RABGAP1L: variants seen among roughly 807,000 people sequenced by gnomAD.
The protein encoded by RABGAP1L is rab GTPase-activating protein 1-like.
Under a neutral mutation model 137.7 loss-of-function variants are expected in RABGAP1L, and 63 were observed. The ratio of observed to expected loss-of-function variants is 0.46; its 90% CI spans 0.37 to 0.56. The LOEUF is 0.56. RABGAP1L is among the 20% of genes least tolerant of loss of function. The probability of loss-of-function intolerance (pLI) is 0.00; values close to 1 mark genes in which losing one functional copy is unlikely to be tolerated. For missense variants in RABGAP1L, 1,095 were observed against 1,244.0 expected (o/e 0.88, Z 1.80); for synonymous variants, 431 against 433.7 (o/e 0.99, Z 0.08).
chr1:174,391,852 C>A (rs1307986698), intron 12 of RABGAP1L, among the ~76,000 whole-genome samples: 1 of 152,088 alleles, frequency 6.6e-6, no homozygotes, highest in Non-Finnish European at 1.5e-5. Context: ...ATGACCTTTG[C>A]TCTTTGTACA....
chr1:174,370,460 TAC>T (rs1685014731), intron 11 of RABGAP1L, among the ~76,000 whole-genome samples: 2 of 114,156 alleles, frequency 1.8e-5, no homozygotes, highest in African/African-American at 6.4e-5. Context: ...TAGTTAAAAA[TAC>T]CTTTTTTTTT....
At chr1:174,857,703 G>T (rs1649555859) in intron 19 of RABGAP1L, among the ~76,000 whole-genome samples, 1 of 152,084 alleles carries the variant, frequency 6.6e-6, no homozygotes, top group African/African-American at 2.4e-5. Context: ...ATAATGATAT[G>T]TATTAATAAT....
rs1651719439 is a variant in RABGAP1L at position 174,424,469 on chromosome 1, A to G, written c.1710+30324A>G. On this transcript the variant is annotated intron_variant, in intron 13 of 25. Coordinates refer to ENST00000681986, the MANE Select transcript of RABGAP1L (RefSeq NM_001366446.1). ...GATAATATGAAAAAATATACACTGCATTGGCTTTTAGGAACATTTTCGTCA... is the reference window on the plus strand; with the variant it reads ...GATAATATGAAAAAATATACACTGCGTTGGCTTTTAGGAACATTTTCGTCA... 2.0e-5 allele frequency among the ~76,000 whole-genome samples: 3 copies of G among 152,088 alleles called. No individual in the cohort carries two copies. In the South Asian group the frequency reaches 6.2e-4, roughly 31 times the overall value.
chr1:174,815,286 TAGG>T (rs1690280992), intron 19 of RABGAP1L, among the ~76,000 whole-genome samples: 1 of 152,158 alleles, frequency 6.6e-6, no homozygotes, highest in Non-Finnish European at 1.5e-5. Context: ...TTGGAAATTT[TAGG>T]AGATGATGGA....
chr1:174,677,318 A>G (rs1022853767), intron 14 of RABGAP1L, among the ~76,000 whole-genome samples: 10 of 152,188 alleles, frequency 6.6e-5, no homozygotes, highest in Admixed American at 6.5e-4. Context: ...ATCAGGGAAG[A>G]TACATATTCA....
At chr1:174,493,502 A>T (rs1461173118) in intron 13 of RABGAP1L, among the ~76,000 whole-genome samples, 2 of 151,950 alleles carry the variant, frequency 1.3e-5, no homozygotes, top group Non-Finnish European at 2.9e-5. Flanking sequence ...TCATAGCCCT[A>T]CCCAATATTA....
intron 11 of RABGAP1L, among the ~76,000 whole-genome samples, chr1:174,330,663 T>G (rs1680955457): frequency 6.6e-6 from 1 of 152,150 alleles, no homozygotes; most frequent in African/African-American, 2.4e-5. Context: ...TTGAAAATTA[T>G]AAAACATTGG....
intron 13 of RABGAP1L, among the ~76,000 whole-genome samples, chr1:174,515,879 A>G (rs1460587330): frequency 1.3e-5 from 2 of 151,990 alleles, no homozygotes; most frequent in East Asian, 3.9e-4. Flanking sequence ...TGAGCACTCT[A>G]TCTTAAGTTG....
chr1:174,680,545 G>T (rs553720458), intron 14 of RABGAP1L, among the ~76,000 whole-genome samples: 1 of 152,274 alleles, frequency 6.6e-6, no homozygotes, highest in Non-Finnish European at 1.5e-5. Flanking sequence ...AATGGACTCA[G>T]ACAGAGTTGT....
intron 1 of RABGAP1L, among the ~76,000 whole-genome samples, chr1:174,184,640 A>G (rs1251239533): frequency 1.3e-5 from 2 of 152,334 alleles, no homozygotes; most frequent in East Asian, 3.9e-4. Context: ...TAACCTCCAG[A>G]GTACTTTCAG....
chr1:174,777,198 CT>C (rs1686591807), intron 18 of RABGAP1L, among the ~76,000 whole-genome samples: 1 of 151,730 alleles, frequency 6.6e-6, no homozygotes, highest in Non-Finnish European at 1.5e-5. Context: ...AATTTTTTTT[CT>C]TTTTATGTGA....
At chr1:174,924,097 A>G (rs1453130595) in intron 19 of RABGAP1L, among the ~76,000 whole-genome samples, 1 of 151,752 alleles carries the variant, frequency 6.6e-6, no homozygotes, top group Non-Finnish European at 1.5e-5. Context: ...TAAGAAAGAT[A>G]CAAAGTACTG....
intron 19 of RABGAP1L, among the ~76,000 whole-genome samples, chr1:174,912,980 CT>C (rs776664058): frequency 2.2e-3 from 311 of 143,640 alleles, no homozygotes; most frequent in Admixed American, 2.2e-3. Flanking sequence ...ATTTCTTTAG[CT>C]TTTTTTTTTT....
At chr1:174,185,878 T>C (rs1255670608) in intron 1 of RABGAP1L, among the ~76,000 whole-genome samples, 1 of 152,202 alleles carries the variant, frequency 6.6e-6, no homozygotes, top group Admixed American at 6.5e-5. Flanking sequence ...GCGCGGTGGC[T>C]CACACCTGTA....
At chr1:174,662,102 C>CTTTTTTTTTTTTTTT (rs749496325) in intron 14 of RABGAP1L, among the ~76,000 whole-genome samples, 1 of 90,272 alleles carries the variant, frequency 1.1e-5, no homozygotes, top group African/African-American at 6.2e-5. Context: ...CTTTTCTTTT[C>CTTTTTTTTTTTTTTT]TTTTTTTTTT....
chr1:174,241,593 C>T lies in RABGAP1L; in HGVS notation c.653C>T (p.Thr218Ile). 1.2e-6 allele frequency: 2 copies of T among 1,613,884 alleles called. No individual in the cohort carries two copies. Among genetic ancestry groups the T allele is most frequent in the Non-Finnish European group, 1.7e-6 (2 of 1,179,886 alleles). ...ACAGAGAGCAATTGCTTTGCATTTA[C>T]AGAGAGTTCCCATGGTTCGGAAGAA... ...GTTESNCFAF[T>I]ESSHGSEEFQ... Residue 218 changes from threonine (T) to isoleucine (I), a missense_variant, in exon 5 of 26, where the codon ACA (threonine) becomes ATA (isoleucine). Physicochemically the swap from Thr to Ile is moderately conservative, Grantham distance 89. This residue lies in a region of RABGAP1L where 356 missense variants were observed against 326.3 expected (regional missense o/e 1.09). Coordinates refer to ENST00000681986, the MANE Select transcript of RABGAP1L (RefSeq NM_001366446.1).
chr1:174,343,088 T>C (rs930500931), intron 11 of RABGAP1L, among the ~76,000 whole-genome samples: 1 of 152,174 alleles, frequency 6.6e-6, no homozygotes, highest in African/African-American at 2.4e-5. Context: ...GGAATATTCT[T>C]TATATCCTGC....
At chr1:174,869,346 A>T (rs187717719) in intron 19 of RABGAP1L, among the ~76,000 whole-genome samples, 19 of 152,206 alleles carry the variant, frequency 1.2e-4, no homozygotes, top group Admixed American at 5.2e-4. Flanking sequence ...AGCATCCACC[A>T]TGCTGTTCTT....
chr1:174,213,697 C>T (rs1417592190), intron 1 of RABGAP1L, among the ~76,000 whole-genome samples: 1 of 152,144 alleles, frequency 6.6e-6, no homozygotes, highest in African/African-American at 2.4e-5. Flanking sequence ...CGGTGTGATA[C>T]ATCATATCAA....
Sources: gnomAD v4.1 joint callset for allele counts (sites outside exome capture counted in the v4.1 genomes callset) on GRCh38, gnomAD v4.1.1 for gene constraint, gnomAD v4.1.1 regional missense constraint, MANE v1.5 for transcripts, NCBI Gene and HGNC (gene_info 2026-07-23, HGNC 2026-07-21) for gene names.